Variants in DIP2C observed in about 807,000 individuals in gnomAD.
DIP2C encodes the protein disco-interacting protein 2 homolog C.
Under a neutral mutation model 192.4 loss-of-function variants are expected in DIP2C, and 33 were observed. The observed-to-expected ratio is 0.17, with a 90% CI of 0.13 to 0.23. DIP2C has a LOEUF of 0.23. Ranked by LOEUF, DIP2C falls within the 10% of genes least tolerant of loss-of-function variation. The pLI, the probability that DIP2C is intolerant of heterozygous loss-of-function variation, is 1.00. For synonymous variants in DIP2C, 979 were observed against 864.1 expected (o/e 1.13, Z -2.33); for missense variants, 1,537 against 2,110.1 (o/e 0.73, Z 5.32).
chr10:549,882 G>C (rs1489784717), intron 1 of DIP2C, among the ~76,000 whole-genome samples: 1 of 152,050 alleles, frequency 6.6e-6, no homozygotes, highest in Non-Finnish European at 1.5e-5. Context: ...TAGAAGGGCA[G>C]CCCAGGGGCC....
chr10:672,323 C>A (rs935674565), intron 1 of DIP2C, among the ~76,000 whole-genome samples: 1 of 150,830 alleles, frequency 6.6e-6, no homozygotes, highest in Non-Finnish European at 1.5e-5. Context: ...CGCCACAGAC[C>A]CACGGACGAA....
At chr10:385,793 G>C (rs1167964992) in intron 14 of DIP2C, among the ~76,000 whole-genome samples, 1 of 152,136 alleles carries the variant, frequency 6.6e-6, no homozygotes, top group Non-Finnish European at 1.5e-5. Context: ...GTAGGCTACG[G>C]GGTGGGGGCA....
intron 2 of DIP2C, among the ~76,000 whole-genome samples, chr10:475,573 C>T (rs1303450365): frequency 6.6e-6 from 1 of 152,172 alleles, no homozygotes; most frequent in East Asian, 1.9e-4. Flanking sequence ...TGTCTGATCT[C>T]AGAAAGCTAC....
chr10:444,446 CCAT>C lies in DIP2C; in HGVS notation c.269-3453_269-3451del, dbSNP rs919700873. On this transcript the variant is annotated intron_variant, in intron 3 of 36. Transcript: ENST00000280886. ...ATCATCCGAGACTCATGTAGATTCTCCATCATCACATGGAGCCCACGCCATGGT... is the reference window on the plus strand; with the variant it reads ...ATCATCCGAGACTCATGTAGATTCTCCATCACATGGAGCCCACGCCATGGT... Among the ~76,000 whole-genome samples the C allele has an allele frequency of 4.0e-5, 6 of 151,572 alleles. No homozygotes were observed. The South Asian group carries it at 6.3e-4, about 16-fold the overall frequency.
rs61831055 is a variant in DIP2C, at chr10:573,095, A to T, written c.86-86565T>A. On this transcript the variant is annotated intron_variant, in intron 1 of 36. Transcript: ENST00000280886. ...GAGGGAAATGCTACAAAGCACGTAC[A>T]TTTTAGCATGTAAGTGAATTATTTG... is the stretch of plus-strand genomic sequence containing the variant. Among the ~76,000 whole-genome samples the T allele has an allele frequency of 2.0e-5, 3 of 152,268 alleles. No individual in the cohort carries two copies. The South Asian group carries it at 6.2e-4, about 32-fold the overall frequency.
chr10:512,783 G>A (rs2130779485), intron 1 of DIP2C, among the ~76,000 whole-genome samples: 1 of 151,898 alleles, frequency 6.6e-6, no homozygotes, highest in Non-Finnish European at 1.5e-5. Flanking sequence ...GCATGATGGT[G>A]GGTGCCTGTA....
chr10:625,442 C>T lies in DIP2C; in HGVS notation c.85+64052G>A, dbSNP rs527941278. On this transcript the variant is annotated intron_variant, in intron 1 of 36. Coordinates refer to ENST00000280886, the MANE Select transcript of DIP2C (RefSeq NM_014974.3). ...TAGCACAGCTCTAATAACAGGCTTA[C>T]GCTTTCTGCTCCCTGTGAAAGGCCG... Among the ~76,000 whole-genome samples the T allele has an allele frequency of 1.3e-4, 20 of 152,308 alleles. No homozygotes were observed. The East Asian group carries it at 3.5e-3, about 26-fold the overall frequency.
chr10:370,498 T>C (rs1444761771), intron 17 of DIP2C, among the ~76,000 whole-genome samples: 1 of 152,194 alleles, frequency 6.6e-6, no homozygotes, highest in African/African-American at 2.4e-5. Context: ...CACACACCTC[T>C]GACTACCTGT....
At chr10:397,527 C>CAAAAAA (rs370992251) in intron 10 of DIP2C, among the ~76,000 whole-genome samples, 1 of 132,110 alleles carries the variant, frequency 7.6e-6, no homozygotes, top group African/African-American at 2.7e-5. Context: ...GACTCCATCT[C>CAAAAAA]AAAAAAAAAA....
At chr10:499,067 T>C (rs916652145) in intron 1 of DIP2C, among the ~76,000 whole-genome samples, 11 of 152,280 alleles carry the variant, frequency 7.2e-5, no homozygotes, top group African/African-American at 2.4e-4. Flanking sequence ...TTCAGTCCTA[T>C]TATTTTGTTA....
intron 1 of DIP2C, among the ~76,000 whole-genome samples, chr10:620,705 T>A (rs1853799332): frequency 6.6e-6 from 1 of 152,328 alleles, no homozygotes; most frequent in South Asian, 2.1e-4. Context: ...CAAGGGCCAC[T>A]GTCTCCTCCT....
intron 2 of DIP2C, among the ~76,000 whole-genome samples, chr10:484,618 T>C (rs2133543584): frequency 6.6e-6 from 1 of 152,366 alleles, no homozygotes; most frequent in South Asian, 2.1e-4. Flanking sequence ...ACCTGGTCTC[T>C]GGCGAGCTCT....
chr10:424,678 A>G (rs1966456265), intron 4 of DIP2C, among the ~76,000 whole-genome samples: 1 of 152,148 alleles, frequency 6.6e-6, no homozygotes, highest in African/African-American at 2.4e-5. Context: ...CTGCCTTTTA[A>G]GAAAACTTAC....
Position 573,707 on chromosome 10 carries a change from C to CT in DIP2C, c.86-87178dup, listed in dbSNP as rs574697446. Among the ~76,000 whole-genome samples, 404 of 151,002 alleles carry CT rather than the reference C, an allele frequency of 2.7e-3. 6 individuals are homozygous for CT. Among genetic ancestry groups the CT allele is most frequent in the African/African-American group, 8.8e-3 (361 of 40,972 alleles). ...TTACAGGCATGAGCCATCACGCCGG[C>CT]TTTTTTTTTCCTCTTTTCTTTTTAA... On this transcript the variant is annotated intron_variant, in intron 1 of 36. Transcript: ENST00000280886.
rs752578414 is a variant in DIP2C at position 508,143 on chromosome 10, G to A, written c.86-21613C>T. On this transcript the variant is annotated intron_variant, in intron 1 of 36. Transcript: ENST00000280886. ...CCTCCCTCACGCCACAGAGGAGCTCGTGCAGCCAGGCTTTCTGGCTCACCA... is the reference window on the plus strand; with the variant it reads ...CCTCCCTCACGCCACAGAGGAGCTCATGCAGCCAGGCTTTCTGGCTCACCA... Among the ~76,000 whole-genome samples the A allele has an allele frequency of 3.9e-4, 60 of 152,240 alleles. 2 individuals carry two copies. The highest frequency in any genetic ancestry group is 3.4e-3 in the Middle Eastern group (1 of 294).
intron 4 of DIP2C, among the ~76,000 whole-genome samples, chr10:437,267 G>A (rs11252404): frequency 1.0e-3 from 146 of 140,758 alleles, no homozygotes; most frequent in African/African-American, 3.3e-3. Flanking sequence ...TCTGAGCTCC[G>A]CCTCCTGGAC....
At chr10:492,139 G>A (rs979074284) in intron 1 of DIP2C, among the ~76,000 whole-genome samples, 14 of 152,194 alleles carry the variant, frequency 9.2e-5, no homozygotes, top group Non-Finnish European at 1.9e-4. Context: ...GCGGGCCCCC[G>A]TGTCGGAGAC....
At chr10:557,406 A>T (rs1848935497) in intron 1 of DIP2C, among the ~76,000 whole-genome samples, 1 of 151,682 alleles carries the variant, frequency 6.6e-6, no homozygotes, top group Admixed American at 6.6e-5. Flanking sequence ...TGTTGCCTTA[A>T]GCCACTAGGT....
chr10:473,456 C>T (rs1392614467), intron 2 of DIP2C, among the ~76,000 whole-genome samples: 1 of 151,680 alleles, frequency 6.6e-6, no homozygotes, highest in African/African-American at 2.4e-5. Context: ...CATCCTATGT[C>T]ATCCCCACAG....
Sources: allele counts gnomAD v4.1 joint callset (sites outside exome capture counted in the v4.1 genomes callset), GRCh38; gene constraint gnomAD v4.1.1; transcripts MANE v1.5; gene names NCBI Gene and HGNC (gene_info 2026-07-23, HGNC 2026-07-21).